SH3GL2: variants seen among roughly 807,000 people sequenced by gnomAD.
SH3GL2 encodes SH3 domain containing GRB2 like 2, endophilin A1, also known as endophilin-A1.
In SH3GL2, 24 loss-of-function variants were observed where a neutral mutation model predicts 46.0. That is an observed-to-expected ratio of 0.52 (90% confidence interval 0.38 to 0.73). The LOEUF (loss-of-function observed/expected upper bound fraction) is 0.73, where lower values mean the gene tolerates loss of function less well. Ranked by LOEUF, SH3GL2 falls within the 30% of genes least tolerant of loss-of-function variation. The pLI is 0.00. For synonymous variants in SH3GL2, 196 were observed against 147.1 expected, an observed-to-expected ratio of 1.33 and a Z score of -2.40; for missense variants, 413 against 424.2, an observed-to-expected ratio of 0.97 and a Z score of 0.23.
intron 1 of SH3GL2, among the ~76,000 whole-genome samples, chr9:17,695,699 A>G (rs1281192428): frequency 2.6e-5 from 4 of 152,026 alleles, no homozygotes; most frequent in Non-Finnish European, 5.9e-5. Context: ...TCTTTTTTTC[A>G]GTCAGGGTAG....
chr9:17,787,743 A>T (rs1436744193), intron 5 of SH3GL2, among the ~76,000 whole-genome samples: 1 of 152,008 alleles, frequency 6.6e-6, no homozygotes, highest in East Asian at 1.9e-4. Context: ...TCTATGTTTG[A>T]TTTTCATATT....
intron 1 of SH3GL2, among the ~76,000 whole-genome samples, chr9:17,646,856 G>C (rs1819831132): frequency 6.6e-6 from 1 of 152,192 alleles, no homozygotes; most frequent in Admixed American, 6.5e-5. Context: ...AGGGGTCAGG[G>C]ACCCCACTTG....
At chr9:17,782,458 T>G (rs956102625) in intron 3 of SH3GL2, among the ~76,000 whole-genome samples, 1 of 152,208 alleles carries the variant, frequency 6.6e-6, no homozygotes, top group Non-Finnish European at 1.5e-5. Flanking sequence ...ATATAGCTTT[T>G]TAGCCTACCT....
At chr9:17,655,632 A>C (rs1820056054) in intron 1 of SH3GL2, among the ~76,000 whole-genome samples, 1 of 152,240 alleles carries the variant, frequency 6.6e-6, no homozygotes, top group South Asian at 2.1e-4. Context: ...ATTTAAAAAT[A>C]AATGTTTTGA....
chr9:17,753,859 G>A (rs1822916378), intron 2 of SH3GL2, among the ~76,000 whole-genome samples: 1 of 152,128 alleles, frequency 6.6e-6, no homozygotes, highest in South Asian at 2.1e-4. Flanking sequence ...TTTGTATATG[G>A]TGTAAGGAAG....
chr9:17,641,239 C>T (rs1047080765), intron 1 of SH3GL2, among the ~76,000 whole-genome samples: 3 of 152,138 alleles, frequency 2.0e-5, no homozygotes, highest in African/African-American at 4.8e-5. Flanking sequence ...TCCAGTCTCT[C>T]AGAAGTTCAT....
intron 1 of SH3GL2, among the ~76,000 whole-genome samples, chr9:17,655,465 G>A (rs1299476926): frequency 6.6e-6 from 1 of 152,042 alleles, no homozygotes; most frequent in African/African-American, 2.4e-5. Flanking sequence ...ATGACTTACT[G>A]CTTCATGATA....
At chr9:17,638,387 G>A (rs1819596000) in intron 1 of SH3GL2, among the ~76,000 whole-genome samples, 1 of 152,174 alleles carries the variant, frequency 6.6e-6, no homozygotes, top group African/African-American at 2.4e-5. Context: ...CAGCAAAACA[G>A]GTAACGTTTT....
chr9:17,720,498 A>G (rs1043459221), intron 1 of SH3GL2, among the ~76,000 whole-genome samples: 10 of 152,062 alleles, frequency 6.6e-5, no homozygotes, highest in Non-Finnish European at 1.5e-4. Flanking sequence ...ATTGGTTACA[A>G]CTCAGCATCT....
At chr9:17,703,208 A>T (rs1337261714) in intron 1 of SH3GL2, among the ~76,000 whole-genome samples, 1 of 152,046 alleles carries the variant, frequency 6.6e-6, no homozygotes, top group Admixed American at 6.6e-5. Context: ...TTGGGTAGGG[A>T]ATGATTTTAA....
intron 2 of SH3GL2, among the ~76,000 whole-genome samples, chr9:17,756,539 T>C (rs1001823005): frequency 2.8e-5 from 4 of 142,468 alleles, no homozygotes; most frequent in African/African-American, 5.2e-5. Flanking sequence ...AGTGTTCTCA[T>C]TGTTCATTTC....
intron 1 of SH3GL2, among the ~76,000 whole-genome samples, chr9:17,648,733 C>T (rs1203708665): frequency 1.3e-5 from 2 of 152,166 alleles, no homozygotes; most frequent in Non-Finnish European, 2.9e-5. Context: ...TGGCAGATCT[C>T]ACATAATTTT....
In SH3GL2 at chr9:17,787,692, C is replaced by G. The variant is rs1824000119; in HGVS notation, c.465+179C>G. Among the ~76,000 whole-genome samples, 12 of 152,242 alleles carry G rather than the reference C, an allele frequency of 7.9e-5. No individual in the cohort carries two copies. The South Asian group carries it at 2.3e-3, about 29-fold the overall frequency. On this transcript the variant is annotated intron_variant, in intron 5 of 8. Coordinates refer to ENST00000380607, the MANE Select transcript of SH3GL2 (RefSeq NM_003026.5). ...AACCAGAAATGTGATACTTTTCAGC[C>G]TGTTATGACTGTGCCACTCATGAGG...
At chr9:17,602,661 T>C (rs1818692575) in intron 1 of SH3GL2, among the ~76,000 whole-genome samples, 1 of 152,212 alleles carries the variant, frequency 6.6e-6, no homozygotes, top group Non-Finnish European at 1.5e-5. Flanking sequence ...AACAAAACGC[T>C]AACAAGACAG....
chr9:17,703,489 A>G (rs1170838052), intron 1 of SH3GL2, among the ~76,000 whole-genome samples: 5 of 151,986 alleles, frequency 3.3e-5, no homozygotes, highest in Non-Finnish European at 7.4e-5. Flanking sequence ...TGGCAGAGTC[A>G]CAATGAAAAA....
chr9:17,794,339 C>A (rs1351616441), intron 8 of SH3GL2, among the ~76,000 whole-genome samples: 1 of 152,106 alleles, frequency 6.6e-6, no homozygotes, highest in Non-Finnish European at 1.5e-5. Context: ...TGATGTTCTA[C>A]TGTAGAAAAC....
At chr9:17,597,343 C>G (rs1475750053) in intron 1 of SH3GL2, among the ~76,000 whole-genome samples, 1 of 152,058 alleles carries the variant, frequency 6.6e-6, no homozygotes, top group Non-Finnish European at 1.5e-5. Flanking sequence ...CCAACATGCC[C>G]TGTCTGTGCT....
At chr9:17,716,256 G>A (rs1467408738) in intron 1 of SH3GL2, among the ~76,000 whole-genome samples, 1 of 151,978 alleles carries the variant, frequency 6.6e-6, no homozygotes, top group Admixed American at 6.6e-5. Context: ...ATCTTTAGTT[G>A]TACGATATTG....
At chr9:17,633,426 A>G (rs1480630018) in intron 1 of SH3GL2, among the ~76,000 whole-genome samples, 1 of 152,228 alleles carries the variant, frequency 6.6e-6, no homozygotes, top group African/African-American at 2.4e-5. Flanking sequence ...CATGTATTAA[A>G]TGAAAAAGCA....
Sources: allele counts gnomAD v4.1 joint callset (sites outside exome capture counted in the v4.1 genomes callset), GRCh38; gene constraint gnomAD v4.1.1; transcripts MANE v1.5; gene names NCBI Gene and HGNC (gene_info 2026-07-23, HGNC 2026-07-21).